The following TCHP variants were observed in gnomAD, a reference collection of about 807,000 sequenced individuals.
The protein encoded by TCHP is trichoplein keratin filament-binding protein.
Under a neutral mutation model 88.7 loss-of-function variants are expected in TCHP, and 81 were observed. The observed-to-expected ratio is 0.91, with a 90% confidence interval of 0.76 to 1.10. The LOEUF is 1.10. Ranked by LOEUF, TCHP falls within the 50% of genes least tolerant of loss-of-function variation. The probability of loss-of-function intolerance (pLI) is 0.00; values close to 1 mark genes in which losing one functional copy is unlikely to be tolerated. For synonymous variants in TCHP, 232 were observed against 232.5 expected (o/e 1.00, Z 0.02); for missense variants, 641 against 632.1 (o/e 1.01, Z -0.15).
chr12:109,892,500 A>G, the TCHP span, among the ~76,000 whole-genome samples: 1 of 152,212 alleles, frequency 6.6e-6, no homozygotes, highest in African/African-American at 2.4e-5. Context: ...GGAGCCATGG[A>G]AGGTTCAAGG....
At chr12:109,898,837 G>C (rs1223730595), upstream of TCHP, among the ~76,000 whole-genome samples, 3 of 152,046 alleles carry the variant, frequency 2.0e-5, no homozygotes, top group Non-Finnish European at 4.4e-5. Context: ...ATTTAATTTG[G>C]AGGTGGAGTC....
At chr12:109,893,028 A>G in the TCHP span, among the ~76,000 whole-genome samples, 1 of 152,124 alleles carries the variant, frequency 6.6e-6, no homozygotes, top group East Asian at 1.9e-4. Flanking sequence ...TTCCTCCTCT[A>G]TAAAGCAAGG....
intron 11 of TCHP, 55 bp from the exon 12 acceptor site, chr12:109,915,348 G>C: frequency 6.2e-7 from 1 of 1,613,264 alleles, no homozygotes; most frequent in South Asian, 1.1e-5. Flanking sequence ...ATCAGAGGCA[G>C]GGCTCTGCCC....
chr12:109,908,201 T>G (rs1198455557), intron 6 of TCHP, among the ~76,000 whole-genome samples: 1 of 152,210 alleles, frequency 6.6e-6, no homozygotes, highest in Admixed American at 6.5e-5. Context: ...AGGCCGTGAT[T>G]TAGCAACTAC....
intron 11 of TCHP, 101 bp downstream of exon 11, chr12:109,914,728 G>A (rs986778388): frequency 2.1e-5 from 21 of 977,814 alleles, no homozygotes; most frequent in African/African-American, 2.0e-4. Flanking sequence ...CAGGGCTTGC[G>A]CACGTTTGAG....
rs1414121205 is a variant in TCHP, at chr12:109,903,420, A to G, written c.188+206A>G. 2.0e-5 allele frequency among the ~76,000 whole-genome samples: 3 copies of G among 152,254 alleles called. No homozygotes were observed. The highest frequency in any genetic ancestry group is 7.2e-5 in the African/African-American group (3 of 41,460). ...AAAAGATAAAATGATGCAGAAGCATATGATAGAATTTGGAAGCCTGGTTGT... is the reference window on the plus strand; with the variant it reads ...AAAAGATAAAATGATGCAGAAGCATGTGATAGAATTTGGAAGCCTGGTTGT... On this transcript the variant is annotated intron_variant, in intron 2 of 12. Transcript: ENST00000405876. This position sits in a 1 kb window ranked among gnomAD's most constrained non-coding sequence, Gnocchi z 4.6.
chr12:109,908,518 A>T, intron 6 of TCHP, 68 bp from the exon 7 acceptor site: 1 of 1,353,440 alleles, frequency 7.4e-7, no homozygotes. Flanking sequence ...ATGGAGATGG[A>T]GAATGAAGGA....
In TCHP at chr12:109,916,754, C is replaced by T. The variant is rs944558423; in HGVS notation, c.*131C>T. The T allele has an allele frequency of 3.8e-6, 3 of 782,474 alleles. No individual in the cohort carries two copies. The highest frequency in any genetic ancestry group is 3.5e-5 in the African/African-American group (2 of 57,190). The allele number at this position is 782,474 out of a possible 1,614,324, so 48.5% of individuals were successfully genotyped here. A position where few individuals can be genotyped will look rare whatever the true frequency, so the allele number is the denominator to read the frequency against. On this transcript the variant is annotated 3_prime_UTR_variant, in exon 13 of 13. Transcript: ENST00000405876. ...GTCAGATGGCTCAGCAGTGCCTGCTCAGGTTCATCATTGAAACATCCCAGT... is the reference window on the plus strand; with the variant it reads ...GTCAGATGGCTCAGCAGTGCCTGCTTAGGTTCATCATTGAAACATCCCAGT...
chr12:109,917,697 G>A lies in TCHP; in HGVS notation c.*1074G>A, dbSNP rs1870892101. The A allele has an allele frequency of 6.6e-6, 1 of 152,540 alleles. No homozygotes were observed. The highest frequency in any genetic ancestry group is 2.4e-5 in the African/African-American group (1 of 41,412). The allele number at this position is 152,540 out of a possible 1,614,324, so 9.4% of individuals were successfully genotyped here. A position where few individuals can be genotyped will look rare whatever the true frequency, so the allele number is the denominator to read the frequency against. ...CATTCATTTCTACAAACAGGAACAA[G>A]TTCCTTGCAGCAATAATATTATTTT... is the stretch of plus-strand genomic sequence containing the variant. On this transcript the variant is annotated 3_prime_UTR_variant, in exon 13 of 13. Transcript: ENST00000405876.
rs1442146681 is a variant in TCHP, at chr12:109,917,800, AAATTACAGCT to A, written c.*1186_*1195del. On this transcript the variant is annotated 3_prime_UTR_variant, in exon 13 of 13. Transcript: ENST00000405876. ...TATGTTCAAGATTCCATATCTCCGT[AAATTACAGCT>A]AATTACAGGGCATTGTTCCATGGTT... 1 of 152,660 alleles carries A rather than the reference AAATTACAGCT, an allele frequency of 6.6e-6. No individual in the cohort carries two copies. The highest frequency in any genetic ancestry group is 2.4e-5 in the African/African-American group (1 of 41,452). 9.5% of individuals were successfully genotyped at this position (152,660 alleles called of 1,614,324 possible).
At chr12:109,885,005 G>C in the TCHP span, among the ~76,000 whole-genome samples, 5 of 152,330 alleles carry the variant, frequency 3.3e-5, no homozygotes, top group South Asian at 1.0e-3. Flanking sequence ...GTCTCACTCT[G>C]TCGCCTAGGC....
In TCHP at chr12:109,900,360, G is replaced by C. The variant is rs1021467338; in HGVS notation, c.-67G>C. 3 of 152,360 alleles carry C rather than the reference G, an allele frequency of 2.0e-5. No individual in the cohort carries two copies. The East Asian group carries it at 5.8e-4, about 29-fold the overall frequency. 9.4% of individuals were successfully genotyped at this position (152,360 alleles called of 1,614,324 possible). The stretch of plus-strand genomic sequence containing the variant: ...TGGGAATTACACCGGGGGACTGGCC[G>C]GCCCGCTTCGTGCCTGCGGGAAGTC... On this transcript the variant is annotated 5_prime_UTR_variant, in exon 1 of 13. Transcript: ENST00000405876.
the TCHP span, among the ~76,000 whole-genome samples, chr12:109,890,791 C>T: frequency 6.6e-6 from 1 of 152,100 alleles, no homozygotes; most frequent in Non-Finnish European, 1.5e-5. Flanking sequence ...ATTACAGGCA[C>T]GAGCCACCGT....
intron 9 of TCHP, 153 bp from the exon 10 acceptor site, chr12:109,912,838 G>C (rs1406876366): frequency 1.4e-5 from 9 of 653,330 alleles, no homozygotes; most frequent in Non-Finnish European, 2.5e-5. Flanking sequence ...CGTGGATGCT[G>C]TCCTTAATTG....
In TCHP at chr12:109,914,533, T is replaced by C. The variant is rs1484421192; in HGVS notation, c.1226T>C (p.Ile409Thr). ...TCCCTGAAACACAGGGAGCAACTTA[T>C]TCGAAATCTTGAGGAGGTGAGAGAG... ...EESLKHREQL[I>T]RNLEEVRELA... Residue 409 changes from isoleucine to threonine, a missense_variant, in exon 11 of 13, where the codon ATT becomes ACT. By Grantham distance (89) the Ile-to-Thr change is moderately conservative. Coordinates refer to ENST00000405876, the MANE Select transcript of TCHP (RefSeq NM_001143852.2). 11 of 1,614,006 alleles carry C rather than the reference T, an allele frequency of 6.8e-6. No homozygotes were observed. Among genetic ancestry groups the C allele is most frequent in the Admixed American group, 3.3e-5 (2 of 60,000 alleles).
chr12:109,900,755 C>G (rs1489768759), intron 1 of TCHP: 4 of 152,224 alleles, frequency 2.6e-5, no homozygotes, highest in African/African-American at 7.2e-5. Flanking sequence ...GCCACGGTCT[C>G]GAGACCGAGG....
chr12:109,907,723 G>GT, intron 6 of TCHP, 24 bp downstream of exon 6: 4 of 1,572,908 alleles, frequency 2.5e-6, no homozygotes, highest in Non-Finnish European at 3.4e-6. Context: ...CCTCTCAGCC[G>GT]TGACCTCCTC....
chr12:109,881,771 C>G, the TCHP span, among the ~76,000 whole-genome samples: 919 of 152,316 alleles, frequency 6.0e-3, 12 homozygotes, highest in African/African-American at 0.021. Flanking sequence ...GCTTCTCACA[C>G]CTTGAATCAC....
chr12:109,899,034 G>A (rs1392044473), upstream of TCHP, among the ~76,000 whole-genome samples: 1 of 152,130 alleles, frequency 6.6e-6, no homozygotes, highest in East Asian at 1.9e-4. Context: ...GGCCAGGCTG[G>A]TCTTCAACTC....
Sources: allele counts gnomAD v4.1 joint callset (sites outside exome capture counted in the v4.1 genomes callset), GRCh38; gene constraint gnomAD v4.1.1; non-coding constraint Gnocchi (gnomAD v3.1); transcripts MANE v1.5; gene names NCBI Gene and HGNC (gene_info 2026-07-23, HGNC 2026-07-21).